The following PXDNL variants were observed in gnomAD, a reference collection of about 807,000 sequenced individuals.
The protein encoded by PXDNL is probable oxidoreductase PXDNL.
Under a neutral mutation model 150.8 loss-of-function variants are expected in PXDNL, and 145 were observed. The observed-to-expected ratio is 0.96, with a 90% confidence interval of 0.84 to 1.10. The LOEUF (loss-of-function observed/expected upper bound fraction) is 1.10. Among genes scored for constraint, PXDNL ranks in the 50% least tolerant of loss-of-function variants. The pLI is 0.00. For synonymous variants in PXDNL, 757 were observed against 725.7 expected (o/e 1.04, Z -0.69); for missense variants, 2,087 against 1,873.9 (o/e 1.11, Z -2.10).
rs1808544925 is a variant in PXDNL at position 51,409,182 on chromosome 8, C to T, written c.2442G>A (p.Leu814=). The change falls in exon 17 of 23, where the codon TTG becomes TTA. Residue 814 remains leucine, a synonymous_variant. Transcript: ENST00000356297. ...TGCTCAGCGCAGGCACTGTGTGGTC[C>T]AAGTCGTGCTCTAGAAACCAGCCCC... ...MHWGWFLEHD[L]DHTVPALSTA... is the part of the protein sequence containing the mutation. The T allele has an allele frequency of 6.3e-6, 10 of 1,595,308 alleles. No homozygotes were observed. In the East Asian group the frequency reaches 1.8e-4, roughly 29 times the overall value.
chr8:51,788,986 T>G (rs906133776), intron 1 of PXDNL, among the ~76,000 whole-genome samples: 2 of 152,182 alleles, frequency 1.3e-5, no homozygotes, highest in African/African-American at 4.8e-5. Flanking sequence ...GATTTCTCCC[T>G]GGGAATGCAC....
At chr8:51,714,685 A>T (rs1027841209) in intron 1 of PXDNL, among the ~76,000 whole-genome samples, 4 of 152,202 alleles carry the variant, frequency 2.6e-5, no homozygotes, top group African/African-American at 9.6e-5. Context: ...AAATGACAAG[A>T]GGGGAAGGAA....
rs182917485 is a variant in PXDNL at position 51,659,503 on chromosome 8, C to T, written c.165-4743G>A. Among the ~76,000 whole-genome samples the T allele has an allele frequency of 5.9e-5, 9 of 152,282 alleles. No individual in the cohort carries two copies. In the East Asian group the frequency reaches 1.5e-3, roughly 26 times the overall value. On this transcript the variant is annotated intron_variant, in intron 1 of 22. Transcript: ENST00000356297. The stretch of plus-strand genomic sequence containing the variant: ...CTGCCAAAAAGAGATGAAAATGACT[C>T]CCCGTGGCAGATTGAGGATGAAGAA...
At chr8:51,676,832 C>T (rs1185818082) in intron 1 of PXDNL, among the ~76,000 whole-genome samples, 1 of 152,142 alleles carries the variant, frequency 6.6e-6, no homozygotes, top group Non-Finnish European at 1.5e-5. Flanking sequence ...AATAAGCATT[C>T]TTTGATTAAT....
At chr8:51,406,018 G>C (rs75424113) in intron 17 of PXDNL, among the ~76,000 whole-genome samples, 3,656 of 152,316 alleles carry the variant, frequency 0.024, 82 homozygotes, top group South Asian at 0.082. Context: ...GCTGCTGTCC[G>C]TCTGAAAGGC....
intron 1 of PXDNL, among the ~76,000 whole-genome samples, chr8:51,655,612 G>T (rs981755139): frequency 1.3e-5 from 2 of 152,106 alleles, no homozygotes; most frequent in Admixed American, 6.6e-5. Flanking sequence ...GTCAAGCAGG[G>T]GCCTCTTCCT....
At chr8:51,401,241 T>G (rs891126385) in intron 17 of PXDNL, among the ~76,000 whole-genome samples, 8 of 152,168 alleles carry the variant, frequency 5.3e-5, no homozygotes, top group African/African-American at 1.9e-4. Context: ...ACAATACCCT[T>G]ATAAAAGTAT....
intron 17 of PXDNL, among the ~76,000 whole-genome samples, chr8:51,377,722 C>G (rs909971202): frequency 5.3e-5 from 8 of 152,334 alleles, no homozygotes; most frequent in African/African-American, 1.9e-4. Context: ...GCGCTGCGCT[C>G]GAATTCTCGT....
chr8:51,657,180 T>C (rs1234911957), intron 1 of PXDNL, among the ~76,000 whole-genome samples: 1 of 152,198 alleles, frequency 6.6e-6, no homozygotes, highest in Admixed American at 6.5e-5. Context: ...ATGTTGACTA[T>C]CTCATGCAAT....
At chr8:51,682,581 A>G (rs1361476798) in intron 1 of PXDNL, among the ~76,000 whole-genome samples, 2 of 152,186 alleles carry the variant, frequency 1.3e-5, no homozygotes, top group Non-Finnish European at 2.9e-5. Context: ...CGACAGCCTC[A>G]TGCCACTTAT....
chr8:51,540,949 AT>A (rs113417763), intron 4 of PXDNL, among the ~76,000 whole-genome samples: 7,927 of 147,558 alleles, frequency 0.054, 508 homozygotes, highest in African/African-American at 0.16. Context: ...AGATGTTGTT[AT>A]TTTTTTTTTC....
intron 1 of PXDNL, among the ~76,000 whole-genome samples, chr8:51,696,766 T>TCCAC (rs1563510188): frequency 9.6e-4 from 2 of 2,082 alleles, no homozygotes; most frequent in Non-Finnish European, 1.1e-3. Context: ...CACATAGGTC[T>TCCAC]TCACAGGTCC....
chr8:51,802,703 T>G (rs1293481555), intron 1 of PXDNL, among the ~76,000 whole-genome samples: 1 of 152,192 alleles, frequency 6.6e-6, no homozygotes, highest in African/African-American at 2.4e-5. Flanking sequence ...GGTCTGTGAT[T>G]TGAATTTTGG....
At chr8:51,696,804 T>TAC (rs1563510271) in intron 1 of PXDNL, among the ~76,000 whole-genome samples, 3 of 1,338 alleles carry the variant, frequency 2.2e-3, no homozygotes, top group African/African-American at 4.1e-3. Flanking sequence ...CACATAGGTC[T>TAC]TCACACACAC....
At chr8:51,500,854 A>T (rs1811163265) in intron 4 of PXDNL, among the ~76,000 whole-genome samples, 1 of 152,254 alleles carries the variant, frequency 6.6e-6, no homozygotes, top group Admixed American at 6.5e-5. Flanking sequence ...CCACGTTTCC[A>T]TAAAATGTAT....
At chr8:51,806,574 T>C (rs1025446320) in intron 1 of PXDNL, among the ~76,000 whole-genome samples, 2 of 152,228 alleles carry the variant, frequency 1.3e-5, no homozygotes, top group Non-Finnish European at 2.9e-5. Context: ...GCTTTACATA[T>C]ACTTCTCAGC....
chr8:51,414,625 A>C (rs1322795388), intron 14 of PXDNL, among the ~76,000 whole-genome samples: 1 of 152,094 alleles, frequency 6.6e-6, no homozygotes, highest in Non-Finnish European at 1.5e-5. Context: ...TTAGCTAAAG[A>C]TAATTGAAAG....
intron 12 of PXDNL, among the ~76,000 whole-genome samples, chr8:51,443,688 T>C (rs1257828832): frequency 6.6e-6 from 1 of 152,232 alleles, no homozygotes; most frequent in African/African-American, 2.4e-5. Context: ...TAGAGTAGCA[T>C]TGTTTTACAA....
At chr8:51,529,143 A>G (rs1294497471) in intron 4 of PXDNL, among the ~76,000 whole-genome samples, 1 of 152,190 alleles carries the variant, frequency 6.6e-6, no homozygotes, top group Admixed American at 6.5e-5. Flanking sequence ...ATCACATCCC[A>G]GTTGTATATA....
Sources: gnomAD v4.1 joint callset for allele counts (sites outside exome capture counted in the v4.1 genomes callset) on GRCh38, gnomAD v4.1.1 for gene constraint, MANE v1.5 for transcripts, NCBI Gene and HGNC (gene_info 2026-07-23, HGNC 2026-07-21) for gene names.